SMAD5: variants seen among roughly 807,000 people sequenced by gnomAD.
The protein encoded by SMAD5 is SMAD family member 5.
Under a neutral mutation model 43.1 loss-of-function variants are expected in SMAD5, and 9 were observed. The observed-to-expected ratio is 0.21, with a 90% CI of 0.13 to 0.36. The LOEUF is 0.36. Among genes scored for constraint, SMAD5 ranks in the 10% least tolerant of loss-of-function variants. The pLI is 1.00. For synonymous variants in SMAD5, 190 were observed against 192.4 expected, an observed-to-expected ratio of 0.99 and a Z score of 0.10; for missense variants, 348 against 574.0, an observed-to-expected ratio of 0.61 and a Z score of 4.02.
intron 1 of SMAD5, among the ~76,000 whole-genome samples, chr5:136,143,967 G>C (rs1320596973): frequency 6.6e-6 from 1 of 151,762 alleles, no homozygotes; most frequent in African/African-American, 2.4e-5. Context: ...CAGTTATACT[G>C]TTCTTTCTGT....
intron 2 of SMAD5, among the ~76,000 whole-genome samples, chr5:136,150,486 T>C (rs1253348699): frequency 6.6e-6 from 1 of 151,960 alleles, no homozygotes; most frequent in Non-Finnish European, 1.5e-5. Flanking sequence ...GATTTTGTAC[T>C]GTATTTGGGA....
chr5:136,159,220 T>A (rs1753749752), intron 3 of SMAD5, among the ~76,000 whole-genome samples: 1 of 152,298 alleles, frequency 6.6e-6, no homozygotes, highest in African/African-American at 2.4e-5. Flanking sequence ...TGGGATAGAA[T>A]AATAAAAGAA....
intron 4 of SMAD5, among the ~76,000 whole-genome samples, chr5:136,162,708 CATTT>C (rs754209064): frequency 4.6e-5 from 7 of 152,142 alleles, no homozygotes; most frequent in Non-Finnish European, 7.4e-5. Flanking sequence ...TTCTAGTTAA[CATTT>C]AGTTTCCTAA....
intron 1 of SMAD5, among the ~76,000 whole-genome samples, chr5:136,145,010 A>T (rs1753212797): frequency 6.6e-6 from 1 of 151,972 alleles, no homozygotes; most frequent in Non-Finnish European, 1.5e-5. Context: ...AATGAGAACA[A>T]AGGAGGGGTT....
At chr5:136,167,793 A>G (rs541261849) in intron 5 of SMAD5, among the ~76,000 whole-genome samples, 2 of 152,166 alleles carry the variant, frequency 1.3e-5, no homozygotes, top group South Asian at 4.2e-4. Context: ...AAAAAAAAAA[A>G]AAGTTAACCA....
At chr5:136,138,920 G>A (rs1752976891) in intron 1 of SMAD5, among the ~76,000 whole-genome samples, 1 of 152,176 alleles carries the variant, frequency 6.6e-6, no homozygotes, top group Admixed American at 6.5e-5. Context: ...GTTTGAATTA[G>A]AATACAATGG....
intron 1 of SMAD5, among the ~76,000 whole-genome samples, chr5:136,135,425 A>G (rs1752840482): frequency 6.6e-6 from 1 of 152,102 alleles, no homozygotes; most frequent in Non-Finnish European, 1.5e-5. Context: ...TGCAGTGATG[A>G]TCTTTTTTGT....
Position 136,182,065 on chromosome 5 carries a change from G to A in SMAD5, c.*4585G>A, listed in dbSNP as rs557575272. 1 of 152,064 alleles carries A rather than the reference G, an allele frequency of 6.6e-6. No individual in the cohort carries two copies. The allele number at this position is 152,064 out of a possible 1,614,324, so 9.4% of individuals were successfully genotyped here. On this transcript the variant is annotated 3_prime_UTR_variant, in exon 8 of 8. Transcript: ENST00000545279. ...AGTTCTTAAAATTCTTAAAATGATC[G>A]TAAACCATTATCCTTTAAAGGTTTA... is the stretch of plus-strand genomic sequence containing the variant.
intron 3 of SMAD5, among the ~76,000 whole-genome samples, chr5:136,156,919 G>A (rs756555453): frequency 7.9e-5 from 12 of 151,836 alleles, no homozygotes; most frequent in Non-Finnish European, 1.3e-4. Context: ...AACTCTTGGG[G>A]GAAGGGGCAG....
At position 136,174,649 on chromosome 5, in the gene SMAD5, A is replaced by G; in HGVS notation, c.1254+17A>G. 1 of 1,586,506 alleles carries G rather than the reference A, an allele frequency of 6.3e-7. No individual in the cohort carries two copies. The highest frequency in any genetic ancestry group is 8.7e-7 in the Non-Finnish European group (1 of 1,155,744). On this transcript the variant is annotated intron_variant, in intron 7 of 7. Transcript: ENST00000545279. ...TTTGTCAAGGTGAGTTGTGACCTCT[A>G]ACATAATTTGAGTCACTATAAATGT...
chr5:136,149,398 A>C (rs1019865056), intron 2 of SMAD5, among the ~76,000 whole-genome samples: 3 of 151,748 alleles, frequency 2.0e-5, no homozygotes, highest in Non-Finnish European at 4.4e-5. Context: ...ACTGTTAAAC[A>C]ATTTTCAAAA....
chr5:136,149,482 C>G (rs1753377608), intron 2 of SMAD5, among the ~76,000 whole-genome samples: 1 of 140,534 alleles, frequency 7.1e-6, no homozygotes, highest in South Asian at 2.3e-4. Context: ...AACAGTTAAT[C>G]TTTTTTTTTT....
chr5:136,138,996 A>G (rs562255624), intron 1 of SMAD5, among the ~76,000 whole-genome samples: 17 of 152,272 alleles, frequency 1.1e-4, no homozygotes, highest in East Asian at 3.9e-4. Context: ...GTTTTGGCCA[A>G]TAGTGTTGAG....
chr5:136,160,426 T>A (rs967031475), intron 3 of SMAD5, among the ~76,000 whole-genome samples: 2 of 152,144 alleles, frequency 1.3e-5, no homozygotes, highest in African/African-American at 4.8e-5. Context: ...TTCTACCTCT[T>A]CCCAGCCCTA....
chr5:136,150,910 T>A (rs969344176), intron 2 of SMAD5, among the ~76,000 whole-genome samples: 7 of 151,964 alleles, frequency 4.6e-5, no homozygotes, highest in African/African-American at 1.7e-4. Flanking sequence ...TTAATAGGCT[T>A]TGAAAAAGTG....
At position 136,177,568 on chromosome 5, in the gene SMAD5, G is replaced by A; in HGVS notation, c.*88G>A. The stretch of plus-strand genomic sequence containing the variant: ...AGTACAGATACTGTGAGCTTACATT[G>A]AAAACAGATATTACAGCTTATTTTT... On this transcript the variant is annotated 3_prime_UTR_variant, in exon 8 of 8. Coordinates refer to ENST00000545279, the MANE Select transcript of SMAD5 (RefSeq NM_005903.7). 2.1e-6 allele frequency: 2 copies of A among 965,680 alleles called. No homozygotes were observed. Among genetic ancestry groups the A allele is most frequent in the South Asian group, 3.4e-5 (2 of 58,272 alleles). 59.8% of individuals were successfully genotyped at this position (965,680 alleles called of 1,614,324 possible). A position where few individuals can be genotyped will look rare whatever the true frequency, so the allele number is the denominator to read the frequency against.
At chr5:136,139,938 G>A (rs900231196) in intron 1 of SMAD5, among the ~76,000 whole-genome samples, 2 of 151,866 alleles carry the variant, frequency 1.3e-5, no homozygotes, top group Non-Finnish European at 2.9e-5. Flanking sequence ...GGCTTGAACC[G>A]CTGAGCTCAA....
Position 136,172,449 on chromosome 5 carries a change from C to T in SMAD5, c.791C>T (p.Ala264Val). The part of the protein sequence containing the change: ...SISSRDVQPV[A>V]YEEPKHWCSI... ...TTGTTCACAGATGTTCAGCCTGTTG[C>T]CTATGAAGAGCCTAAACATTGGTGT... is the stretch of plus-strand genomic sequence containing the variant. Residue 264 changes from alanine to valine, a missense_variant, in exon 6 of 8, where the codon GCC becomes GTC. By Grantham distance (64) the Ala-to-Val change is moderately conservative. Transcript: ENST00000545279. The T allele has an allele frequency of 1.2e-6, 2 of 1,605,704 alleles. No individual in the cohort carries two copies. The highest frequency in any genetic ancestry group is 1.3e-5 in the African/African-American group (1 of 74,788).
chr5:136,156,083 A>G (rs1056057157), intron 3 of SMAD5, among the ~76,000 whole-genome samples: 2 of 152,158 alleles, frequency 1.3e-5, no homozygotes, highest in African/African-American at 2.4e-5. Context: ...GTTAGGGCCA[A>G]GGTCTTATCA....
Sources: allele counts gnomAD v4.1 joint callset (sites outside exome capture counted in the v4.1 genomes callset), GRCh38; gene constraint gnomAD v4.1.1; transcripts MANE v1.5; gene names NCBI Gene and HGNC (gene_info 2026-07-23, HGNC 2026-07-21).